Variants in CHRM3 observed in about 807,000 individuals in gnomAD.
The protein encoded by CHRM3 is cholinergic receptor muscarinic 3.
In CHRM3, 11 loss-of-function variants were observed where a neutral mutation model predicts 41.8. That is an observed-to-expected ratio of 0.26 (90% CI 0.17 to 0.44). CHRM3 has a LOEUF of 0.44. Among genes scored for constraint, CHRM3 ranks in the 20% least tolerant of loss-of-function variants. The pLI is 1.00. For missense variants in CHRM3, 571 were observed against 745.4 expected (o/e 0.77, Z 2.72); for synonymous variants, 297 against 301.4 (o/e 0.99, Z 0.15).
chr1:239,739,405 GC>G (rs1462932874), intron 5 of CHRM3, among the ~76,000 whole-genome samples: 2 of 152,152 alleles, frequency 1.3e-5, no homozygotes, highest in African/African-American at 4.8e-5. Context: ...GCCAACTGCA[GC>G]AATCTTTCAC....
At position 239,908,743 on chromosome 1, in the gene CHRM3, T is replaced by C. The variant is rs16839102; in HGVS notation, c.1292T>C (p.Leu431Pro). Residue 431 changes from leucine to proline, a missense_variant, in exon 7 of 7, where the codon CTA becomes CCA. Physicochemically the swap from Leu to Pro is moderately conservative, Grantham distance 98. This residue lies in a region of CHRM3 where 239 missense variants were observed against 239.6 expected (regional missense o/e 1.00). Transcript: ENST00000676153. The surrounding 1 kb of genome is among the most constrained non-coding windows in gnomAD (Gnocchi z 7.2). ...AGCTTCTCCAAGCTTCCCATCCAGCTAGAGTCAGCCGTGGACACAGCTAAG... is the reference window on the plus strand; with the variant it reads ...AGCTTCTCCAAGCTTCCCATCCAGCCAGAGTCAGCCGTGGACACAGCTAAG... ...PKSFSKLPIQ[L>P]ESAVDTAKTS... 9.1e-4 allele frequency: 1,472 copies of C among 1,613,848 alleles called. 13 individuals carry two copies. In the African/African-American group the frequency reaches 0.017, roughly 19 times the overall value.
intron 3 of CHRM3, among the ~76,000 whole-genome samples, chr1:239,568,494 C>G (rs373848869): frequency 6.6e-6 from 1 of 152,124 alleles, no homozygotes; most frequent in East Asian, 1.9e-4. Flanking sequence ...GTCTATTAAA[C>G]TTCTTTTTCT....
intron 2 of CHRM3, among the ~76,000 whole-genome samples, chr1:239,521,523 A>C (rs1302148524): frequency 6.6e-6 from 1 of 152,242 alleles, no homozygotes; most frequent in East Asian, 1.9e-4. Flanking sequence ...CAATGAATAT[A>C]AATATGCAAT....
intron 4 of CHRM3, among the ~76,000 whole-genome samples, chr1:239,639,358 A>G (rs1466051164): frequency 6.6e-6 from 1 of 152,120 alleles, no homozygotes; most frequent in Non-Finnish European, 1.5e-5. Flanking sequence ...CTTGGACAGT[A>G]TGGCCATTTT....
chr1:239,737,090 T>C (rs1664455117), intron 5 of CHRM3, among the ~76,000 whole-genome samples: 1 of 152,178 alleles, frequency 6.6e-6, no homozygotes, highest in South Asian at 2.1e-4. Context: ...AATATCAACA[T>C]TTTCTTCATT....
At chr1:239,557,512 G>A (rs375763471) in intron 3 of CHRM3, among the ~76,000 whole-genome samples, 37 of 152,136 alleles carry the variant, frequency 2.4e-4, no homozygotes, top group East Asian at 1.5e-3. Flanking sequence ...TACATGTGCA[G>A]GATGTGCAGG....
intron 1 of CHRM3, among the ~76,000 whole-genome samples, chr1:239,453,675 A>G (rs1664724488): frequency 1.3e-5 from 2 of 152,212 alleles, no homozygotes; most frequent in African/African-American, 2.4e-5. Flanking sequence ...TTAATTTTGT[A>G]TTCTATTAGA....
intron 5 of CHRM3, among the ~76,000 whole-genome samples, chr1:239,685,557 T>C (rs1659051077): frequency 6.6e-6 from 1 of 152,126 alleles, no homozygotes; most frequent in Non-Finnish European, 1.5e-5. Flanking sequence ...GTGCAGTGGC[T>C]CACATCTGTA....
chr1:239,471,355 G>A (rs1456464489), intron 1 of CHRM3, among the ~76,000 whole-genome samples: 2 of 152,158 alleles, frequency 1.3e-5, no homozygotes, highest in Non-Finnish European at 2.9e-5. Context: ...ACAGAGTAAA[G>A]ACGTTAATTA....
intron 4 of CHRM3, among the ~76,000 whole-genome samples, chr1:239,670,758 C>G (rs1445909961): frequency 2.4e-5 from 3 of 122,560 alleles, no homozygotes; most frequent in African/African-American, 9.7e-5. Flanking sequence ...GAACTCCCAA[C>G]CTCAGGTGAT....
chr1:239,845,532 C>T (rs901433354), intron 6 of CHRM3, among the ~76,000 whole-genome samples: 3 of 152,214 alleles, frequency 2.0e-5, no homozygotes, highest in African/African-American at 4.8e-5. Flanking sequence ...TTATACATGT[C>T]AGCATTGCTG....
intron 3 of CHRM3, among the ~76,000 whole-genome samples, chr1:239,610,069 T>G (rs1007402882): frequency 6.6e-6 from 1 of 151,026 alleles, no homozygotes; most frequent in Non-Finnish European, 1.5e-5. Flanking sequence ...GGCGGGTGCC[T>G]GTAGTCCCAG....
intron 6 of CHRM3, among the ~76,000 whole-genome samples, chr1:239,837,170 C>G (rs1572445636): frequency 6.6e-6 from 1 of 152,178 alleles, no homozygotes; most frequent in East Asian, 1.9e-4. Flanking sequence ...TCTGTTGTTT[C>G]TCACGATGTG....
intron 2 of CHRM3, among the ~76,000 whole-genome samples, chr1:239,535,608 T>C (rs1658121979): frequency 6.6e-6 from 1 of 151,810 alleles, no homozygotes; most frequent in Admixed American, 6.6e-5. Flanking sequence ...CAGGCTTTTG[T>C]GTTGCTCTTG....
intron 6 of CHRM3, among the ~76,000 whole-genome samples, chr1:239,828,865 A>G (rs1672676493): frequency 2.0e-5 from 3 of 152,190 alleles, no homozygotes; most frequent in Non-Finnish European, 2.9e-5. Flanking sequence ...GAGATCTAAG[A>G]TGAACAAAGG....
At chr1:239,623,742 T>C (rs1397651495) in intron 3 of CHRM3, among the ~76,000 whole-genome samples, 1 of 41,896 alleles carries the variant, frequency 2.4e-5, no homozygotes, top group African/African-American at 9.7e-5. Context: ...AGTGAGAATA[T>C]GCGGTGTTTG....
chr1:239,526,907 G>A (rs1414263850), intron 2 of CHRM3, among the ~76,000 whole-genome samples: 1 of 152,100 alleles, frequency 6.6e-6, no homozygotes, highest in African/African-American at 2.4e-5. Context: ...GATCTCTTGA[G>A]CCCAGAAGTT....
intron 3 of CHRM3, among the ~76,000 whole-genome samples, chr1:239,555,335 A>G (rs1660251548): frequency 6.6e-6 from 1 of 152,198 alleles, no homozygotes; most frequent in African/African-American, 2.4e-5. Context: ...ATTTAATCAC[A>G]TGGAAGTTTG....
rs756006289 is a variant in CHRM3 at position 239,852,009 on chromosome 1, G to A, written c.-20+24631G>A. 8.5e-5 allele frequency among the ~76,000 whole-genome samples: 13 copies of A among 152,102 alleles called. 1 individual carries two copies. Among genetic ancestry groups the A allele is most frequent in the East Asian group, 3.9e-4 (2 of 5,144 alleles). On this transcript the variant is annotated intron_variant, in intron 6 of 6. Transcript: ENST00000676153. ...AATTCCTGGGTGATTTGTGGGCATC[G>A]TGATGTTTGAGAAGTGCTGATCATC...
Sources: gnomAD v4.1 joint callset for allele counts (sites outside exome capture counted in the v4.1 genomes callset) on GRCh38, gnomAD v4.1.1 for gene constraint, gnomAD v4.1.1 regional missense constraint, Gnocchi (gnomAD v3.1) non-coding constraint, MANE v1.5 for transcripts, NCBI Gene and HGNC (gene_info 2026-07-23, HGNC 2026-07-21) for gene names.